Variants in EVC2 observed in about 807,000 individuals in gnomAD.
EVC2 encodes limbin.
In EVC2, 148 loss-of-function variants were observed where a neutral mutation model predicts 149.3. That is an observed-to-expected ratio of 0.99 (90% CI 0.87 to 1.14). The LOEUF is 1.14. Ranked by LOEUF, EVC2 falls within the 50% of genes most tolerant of loss-of-function variation. The pLI is 0.00. For synonymous variants in EVC2, 776 were observed against 649.9 expected (o/e 1.19, Z -2.95); for missense variants, 1,854 against 1,627.3 (o/e 1.14, Z -2.40).
intron 21 of EVC2, among the ~76,000 whole-genome samples, chr4:5,543,698 A>C (rs1721560184): frequency 6.6e-6 from 1 of 152,122 alleles, no homozygotes; most frequent in African/African-American, 2.4e-5. Flanking sequence ...GGGGGATAAT[A>C]GGGAATATTA....
At chr4:5,629,839 G>A (rs193289169) in intron 11 of EVC2, among the ~76,000 whole-genome samples, 1 of 152,348 alleles carries the variant, frequency 6.6e-6, no homozygotes, top group East Asian at 1.9e-4. Context: ...TGATTGATGG[G>A]AGCCCATGTT....
the EVC2 span, among the ~76,000 whole-genome samples, chr4:5,534,380 T>C: frequency 1.3e-5 from 2 of 152,220 alleles, no homozygotes; most frequent in South Asian, 4.1e-4. Context: ...GGTGGATAGA[T>C]GGATGGATGG....
intron 20 of EVC2, among the ~76,000 whole-genome samples, chr4:5,566,782 C>G (rs926104476): frequency 6.6e-6 from 1 of 152,024 alleles, no homozygotes; most frequent in Non-Finnish European, 1.5e-5. Flanking sequence ...CCAAACTAAG[C>G]TGGCTGAAGG....
At chr4:5,626,977 C>T (rs1266945950) in intron 12 of EVC2, among the ~76,000 whole-genome samples, 1 of 152,182 alleles carries the variant, frequency 6.6e-6, no homozygotes, top group South Asian at 2.1e-4. Context: ...GATTTCTCAA[C>T]CTCCATAATC....
intron 9 of EVC2, among the ~76,000 whole-genome samples, chr4:5,642,236 C>T (rs972944894): frequency 7.2e-5 from 11 of 152,052 alleles, no homozygotes; most frequent in Admixed American, 2.6e-4. Context: ...TAGTGCTGCA[C>T]GTCTTTATAG....
intron 16 of EVC2, 42 bp from the exon 17 acceptor site, chr4:5,584,892 A>G: frequency 1.2e-6 from 2 of 1,604,168 alleles, no homozygotes; most frequent in Non-Finnish European, 8.5e-7. Context: ...GAGAGCAGTG[A>G]GTAGAGGAGG....
intron 9 of EVC2, among the ~76,000 whole-genome samples, chr4:5,643,220 T>C (rs950699763): frequency 6.6e-6 from 1 of 152,186 alleles, no homozygotes; most frequent in African/African-American, 2.4e-5. Context: ...CTTCAACCTG[T>C]TTCTTAAAAG....
Position 5,610,304 on chromosome 4 carries a change from G to A in EVC2, c.2829+5118C>T, listed in dbSNP as rs759905771. 5.3e-5 allele frequency among the ~76,000 whole-genome samples: 8 copies of A among 152,130 alleles called. 1 individual carries two copies. The highest frequency in any genetic ancestry group is 5.2e-4 in the Admixed American group (8 of 15,266). The stretch of plus-strand genomic sequence containing the variant: ...ATATATTAATATATATACATACAGT[G>A]TCTACCAAGGTGCCTGGCACTAAAA... On this transcript the variant is annotated intron_variant, in intron 16 of 21. Coordinates refer to ENST00000344408, the MANE Select transcript of EVC2 (RefSeq NM_147127.5).
chr4:5,646,594 T>A (rs1717736571), intron 9 of EVC2, among the ~76,000 whole-genome samples: 1 of 152,210 alleles, frequency 6.6e-6, no homozygotes, highest in African/African-American at 2.4e-5. Context: ...CATAGAGATG[T>A]ATAATTATTT....
rs968950097 is a variant in EVC2, at chr4:5,548,795, A to G, written c.3420-5583T>C. Among the ~76,000 whole-genome samples the G allele has an allele frequency of 2.0e-5, 3 of 152,356 alleles. No individual in the cohort carries two copies. In the East Asian group the frequency reaches 5.8e-4, roughly 29 times the overall value. On this transcript the variant is annotated intron_variant and NMD_transcript_variant, in intron 21 of 22. Coordinates refer to the EVC2 transcript ENST00000475313. ...AAAGGCAATAGAGATTCATTTACAC[A>G]AATTTGGAAGCTACAGAAGGCACAA...
At chr4:5,549,688 C>G (rs1473798732) in intron 21 of EVC2, among the ~76,000 whole-genome samples, 1 of 152,044 alleles carries the variant, frequency 6.6e-6, no homozygotes, top group Non-Finnish European at 1.5e-5. Context: ...ATACCAAGGA[C>G]TTTGAGGTTT....
intron 17 of EVC2, among the ~76,000 whole-genome samples, chr4:5,577,874 C>T (rs1475791284): frequency 2.0e-5 from 3 of 152,160 alleles, no homozygotes; most frequent in African/African-American, 7.2e-5. Flanking sequence ...GTCATGCTGT[C>T]AGCATGGCCA....
At position 5,633,555 on chromosome 4, in the gene EVC2, A is replaced by T. The variant is rs7658659; in HGVS notation, c.1471-1523T>A. ...TCCAAGCTCTGAAACCACTCAAGGC[A>T]GTGACAGTGGAGCTTGTTGGTGAAG... On this transcript the variant is annotated intron_variant, in intron 10 of 21. Transcript: ENST00000344408. This position sits in a 1 kb window ranked among gnomAD's most constrained non-coding sequence, Gnocchi z 4.4. Among the ~76,000 whole-genome samples, 14,699 of 152,268 alleles carry T rather than the reference A, an allele frequency of 0.097. 1,393 individuals carry two copies. Among genetic ancestry groups the T allele is most frequent in the African/African-American group, 0.24 (9,982 of 41,530 alleles).
chr4:5,593,604 T>A (rs1188687151), intron 16 of EVC2, among the ~76,000 whole-genome samples: 1 of 152,160 alleles, frequency 6.6e-6, no homozygotes, highest in African/African-American at 2.4e-5. Flanking sequence ...GATGGCCGAA[T>A]AGGAACAGCT....
chr4:5,650,634 TATATAGAGAGAG>T (rs1338879098), intron 9 of EVC2, among the ~76,000 whole-genome samples: 43 of 58,178 alleles, frequency 7.4e-4, no homozygotes, highest in African/African-American at 1.0e-3. Context: ...TATATATATA[TATATAGAGAGAG>T]AGAGAGAGAG....
Position 5,543,924 on chromosome 4 carries a change from G to A in EVC2, c.3420-712C>T, listed in dbSNP as rs1352478429. ...CCTCAGGTCTCAGCTAAGCCCGAGG[G>A]CTCCAGGGCCATCATGAGGAGACCC... On this transcript the variant is annotated intron_variant and NMD_transcript_variant, in intron 21 of 22. Transcript: ENST00000475313. Among the ~76,000 whole-genome samples, 3 of 152,166 alleles carry A rather than the reference G, an allele frequency of 2.0e-5. No homozygotes were observed. The East Asian group carries it at 5.8e-4, about 29-fold the overall frequency.
At position 5,637,256 on chromosome 4, in the gene EVC2, G is replaced by A. The variant is rs1376836694; in HGVS notation, c.1470+3258C>T. Among the ~76,000 whole-genome samples, 1 of 152,326 alleles carries A rather than the reference G, an allele frequency of 6.6e-6. No individual in the cohort carries two copies. Among genetic ancestry groups the A allele is most frequent in the East Asian group, 1.9e-4 (1 of 5,178 alleles). ...AACATTCTAGGTGCCCCACAGGACG[G>A]GTTCACATGGGGCGCACAGCAGGGG... On this transcript the variant is annotated intron_variant, in intron 10 of 21. Transcript: ENST00000344408. This position sits in a 1 kb window ranked among gnomAD's most constrained non-coding sequence, Gnocchi z 4.4.
At chr4:5,550,722 T>A (rs1560117266) in intron 21 of EVC2, among the ~76,000 whole-genome samples, 1 of 152,144 alleles carries the variant, frequency 6.6e-6, no homozygotes, top group Non-Finnish European at 1.5e-5. Flanking sequence ...CCAGGGCAGG[T>A]CAGAAGTCTT....
At chr4:5,672,820 G>T (rs964626373) in intron 7 of EVC2, among the ~76,000 whole-genome samples, 5 of 152,180 alleles carry the variant, frequency 3.3e-5, no homozygotes, top group African/African-American at 9.7e-5. Flanking sequence ...GCCACAAAAA[G>T]GAATGAAGTT....
Sources: allele counts gnomAD v4.1 joint callset (sites outside exome capture counted in the v4.1 genomes callset), GRCh38; gene constraint gnomAD v4.1.1; non-coding constraint Gnocchi (gnomAD v3.1); transcripts MANE v1.5; gene names NCBI Gene and HGNC (gene_info 2026-07-23, HGNC 2026-07-21).